Variants in ANKRD31 observed in about 807,000 individuals in gnomAD.
ANKRD31 encodes ankyrin repeat domain 31.
In ANKRD31, 147 loss-of-function variants were observed where a neutral mutation model predicts 186.0. That is an observed-to-expected ratio of 0.79 (90% CI 0.69 to 0.91). The LOEUF is 0.91. ANKRD31 is among the 40% of genes least tolerant of loss of function. ANKRD31 has a pLI of 0.00. For missense variants in ANKRD31, 1,986 were observed against 2,148.8 expected (o/e 0.92, Z 1.50); for synonymous variants, 673 against 736.4 (o/e 0.91, Z 1.39).
In ANKRD31 at chr5:75,188,650, TG is replaced by T; in HGVS notation, c.1409-3del. 6.6e-7 allele frequency: 1 copy of T among 1,525,570 alleles called. No homozygotes were observed. Among genetic ancestry groups the T allele is most frequent in the South Asian group, 1.2e-5 (1 of 81,370 alleles). The allele number at this position is 1,525,570 out of a possible 1,614,324, so 94.5% of individuals were successfully genotyped here. A position where few individuals can be genotyped will look rare whatever the true frequency, so the allele number is the denominator to read the frequency against. On this transcript the variant is annotated splice_polypyrimidine_tract_variant and splice_region_variant and intron_variant, in intron 9 of 25. Coordinates refer to ENST00000506364, the MANE Select transcript of ANKRD31 (RefSeq NM_001372053.1). ...ATATTTTGTTCACCTTCATTTTTTC[TG>T]AAATGAGGGAATGAACAAAAGAAAA...
chr5:75,222,667 G>C (rs59628276), intron 2 of ANKRD31, among the ~76,000 whole-genome samples: 1 of 151,832 alleles, frequency 6.6e-6, no homozygotes, highest in Admixed American at 6.6e-5. Flanking sequence ...TGTTCTCAAC[G>C]TTCAACTCCT....
At chr5:75,081,308 A>G (rs1380430357) in intron 24 of ANKRD31, among the ~76,000 whole-genome samples, 1 of 152,086 alleles carries the variant, frequency 6.6e-6, no homozygotes, top group Non-Finnish European at 1.5e-5. Flanking sequence ...CGCTCTTGTC[A>G]CCCAGGCTGG....
At chr5:75,102,175 G>T (rs1214777662) in intron 22 of ANKRD31, among the ~76,000 whole-genome samples, 1 of 152,226 alleles carries the variant, frequency 6.6e-6, no homozygotes, top group African/African-American at 2.4e-5. Flanking sequence ...CTGCAGGTCT[G>T]TTGGGAGTTT....
At chr5:75,212,830 G>T (rs1439082201) in intron 3 of ANKRD31, among the ~76,000 whole-genome samples, 1 of 151,996 alleles carries the variant, frequency 6.6e-6, no homozygotes, top group East Asian at 1.9e-4. Context: ...CTCTTTAGGG[G>T]CCCTTTATGT....
chr5:75,195,787 A>T lies in ANKRD31; in HGVS notation c.861T>A (p.Ala287=), dbSNP rs544777203. The T allele has an allele frequency of 1.0e-4, 156 of 1,537,446 alleles. No homozygotes were observed. In the African/African-American group the frequency reaches 2.0e-3, roughly 20 times the overall value. Residue 287 remains alanine, a synonymous_variant, in exon 7 of 26, where the codon GCT becomes GCA. Coordinates refer to ENST00000506364, the MANE Select transcript of ANKRD31 (RefSeq NM_001372053.1). ...ATGTGTTCAGGGCTTCCAATAACTCAGCTGGCAATGCATCATCTTTTGCAT... is the reference window on the plus strand; with the variant it reads ...ATGTGTTCAGGGCTTCCAATAACTCTGCTGGCAATGCATCATCTTTTGCAT... ...LEDAKDDALP[A]ELLEALNTLS...
At chr5:75,089,148 A>G (rs1745737022) in intron 23 of ANKRD31, among the ~76,000 whole-genome samples, 2 of 152,212 alleles carry the variant, frequency 1.3e-5, no homozygotes, top group Admixed American at 1.3e-4. Flanking sequence ...TATAACTTAT[A>G]AAGAGTGGAA....
chr5:75,132,366 C>T (rs528077005), intron 17 of ANKRD31, among the ~76,000 whole-genome samples: 9 of 152,166 alleles, frequency 5.9e-5, no homozygotes, highest in South Asian at 2.1e-4. Flanking sequence ...AATTATGTGA[C>T]GCATGCACAA....
chr5:75,110,053 C>G (rs911611140), intron 20 of ANKRD31, among the ~76,000 whole-genome samples: 2 of 152,138 alleles, frequency 1.3e-5, no homozygotes, highest in African/African-American at 4.8e-5. Flanking sequence ...GTCCCACTGC[C>G]TTACCTCTCC....
intron 22 of ANKRD31, among the ~76,000 whole-genome samples, chr5:75,099,621 T>C (rs952345311): frequency 7.2e-5 from 11 of 152,344 alleles, no homozygotes; most frequent in African/African-American, 2.6e-4. Flanking sequence ...CTGTTATTGG[T>C]CTATTCAGGG....
intron 11 of ANKRD31, among the ~76,000 whole-genome samples, chr5:75,158,740 T>G (rs986786733): frequency 3.3e-5 from 5 of 152,076 alleles, no homozygotes; most frequent in Admixed American, 1.3e-4. Context: ...TGCAGTGAGC[T>G]ATGATCACAT....
chr5:75,214,549 A>AT (rs1756848858), intron 3 of ANKRD31, among the ~76,000 whole-genome samples: 3 of 152,198 alleles, frequency 2.0e-5, no homozygotes, highest in Non-Finnish European at 4.4e-5. Context: ...AAGACCATGC[A>AT]GTGCATAATC....
At chr5:75,185,141 T>C (rs1490578522) in intron 10 of ANKRD31, among the ~76,000 whole-genome samples, 2 of 152,188 alleles carry the variant, frequency 1.3e-5, no homozygotes, top group African/African-American at 4.8e-5. Context: ...TTCTTACTCA[T>C]ATGCAGAATC....
At chr5:75,157,820 AAGAG>A (rs1478659015) in intron 11 of ANKRD31, among the ~76,000 whole-genome samples, 1 of 152,196 alleles carries the variant, frequency 6.6e-6, no homozygotes, top group Non-Finnish European at 1.5e-5. Flanking sequence ...CTTAGACTGA[AAGAG>A]AGAGAATGAA....
At chr5:75,134,888 A>G (rs927387093) in intron 17 of ANKRD31, among the ~76,000 whole-genome samples, 2 of 152,180 alleles carry the variant, frequency 1.3e-5, no homozygotes, top group African/African-American at 4.8e-5. Flanking sequence ...AACGTAATCA[A>G]TCATATGAAC....
chr5:75,204,623 A>G (rs1756032779), intron 5 of ANKRD31, among the ~76,000 whole-genome samples: 1 of 152,188 alleles, frequency 6.6e-6, no homozygotes, highest in Non-Finnish European at 1.5e-5. Context: ...ATAAGGATCT[A>G]GTCTCTGCAG....
At chr5:75,192,550 C>G in intron 9 of ANKRD31, 117 bp downstream of exon 9, 1 of 789,378 alleles carries the variant, frequency 1.3e-6, no homozygotes, top group Non-Finnish European at 2.0e-6. Flanking sequence ...CTTAACCTAT[C>G]TGAAATTCAG....
Position 75,138,000 on chromosome 5 carries a change from T to C in ANKRD31, c.3734-2A>G, listed in dbSNP as rs1561466466. ...ATGCCTCATGAAGTGGTGTCCAACC[T>C]AAAAAAAGAAAAAGAAAAAAAAAAA... is the stretch of plus-strand genomic sequence containing the variant. On this transcript the variant is annotated splice_acceptor_variant, in intron 16 of 25. Transcript: ENST00000506364. LOFTEE classifies it high-confidence loss of function. 1 of 1,392,362 alleles carries C rather than the reference T, an allele frequency of 7.2e-7. No homozygotes were observed. Among genetic ancestry groups the C allele is most frequent in the Non-Finnish European group, 9.2e-7 (1 of 1,091,244 alleles). 86.3% of individuals were successfully genotyped at this position (1,392,362 alleles called of 1,614,324 possible).
At chr5:75,143,930 T>A in intron 15 of ANKRD31, 71 bp downstream of exon 15, 1 of 395,362 alleles carries the variant, frequency 2.5e-6, no homozygotes, top group Non-Finnish European at 4.5e-6. Context: ...GTTTAGAAAT[T>A]CCTTGAAGTA....
chr5:75,193,416 T>C lies in ANKRD31; in HGVS notation c.1193A>G (p.Asp398Gly). 3 of 1,537,286 alleles carry C rather than the reference T, an allele frequency of 2.0e-6. No homozygotes were observed. The South Asian group carries it at 3.6e-5, about 18-fold the overall frequency. The change falls in exon 8 of 26, where the codon GAT becomes GGT. Residue 398 changes from aspartate (D) to glycine (G), a missense_variant. Coordinates refer to ENST00000506364, the MANE Select transcript of ANKRD31 (RefSeq NM_001372053.1). ...ATACATGTGATCTGAGTACTTTGCATCTCTGCTTACTTTCAGTTTTTCTAG... is the reference window on the plus strand; with the variant it reads ...ATACATGTGATCTGAGTACTTTGCACCTCTGCTTACTTTCAGTTTTTCTAG... ...SRLEKLKVSR[D>G]AKYSDHMYKM...
Sources: gnomAD v4.1 joint callset for allele counts (sites outside exome capture counted in the v4.1 genomes callset) on GRCh38, gnomAD v4.1.1 for gene constraint, MANE v1.5 for transcripts, NCBI Gene and HGNC (gene_info 2026-07-23, HGNC 2026-07-21) for gene names.